Variants in SLC27A6 observed in about 807,000 individuals in gnomAD.
The protein encoded by SLC27A6 is long-chain fatty acid transport protein 6.
SLC27A6 carries 74 observed loss-of-function variants against 63.9 expected under a neutral mutation model. The observed-to-expected ratio is 1.16, with a 90% CI of 0.96 to 1.40. SLC27A6 has a LOEUF of 1.40. Ranked by LOEUF, SLC27A6 falls within the 40% of genes most tolerant of loss-of-function variation. SLC27A6 has a pLI of 0.00. For missense variants in SLC27A6, 794 were observed against 732.9 expected (o/e 1.08, Z -0.96); for synonymous variants, 287 against 260.8 (o/e 1.10, Z -0.97).
intron 4 of SLC27A6, among the ~76,000 whole-genome samples, chr5:129,001,291 T>C (rs1035771646): frequency 1.3e-5 from 2 of 152,210 alleles, no homozygotes; most frequent in Admixed American, 6.5e-5. Flanking sequence ...TGCCCCAGTT[T>C]ATGCCTATTT....
chr5:129,000,493 C>T (rs1394451085), intron 4 of SLC27A6, among the ~76,000 whole-genome samples: 1 of 152,180 alleles, frequency 6.6e-6, no homozygotes, highest in Non-Finnish European at 1.5e-5. Context: ...AGTCTCAGAC[C>T]TGCAAGGAAA....
chr5:129,022,022 C>T (rs1752090540), intron 5 of SLC27A6, among the ~76,000 whole-genome samples: 1 of 152,138 alleles, frequency 6.6e-6, no homozygotes, highest in Non-Finnish European at 1.5e-5. Flanking sequence ...AAGTAATGAA[C>T]AGGGCTCTGT....
rs1238629196 is a variant in SLC27A6, at chr5:129,027,265, G to A, written c.1388G>A (p.Gly463Glu). Reference protein sequence around the residue: ...FKKGDVYLNTGDLIVQDQDNF... With the variant: ...FKKGDVYLNTEDLIVQDQDNF... ...AAGGGAGATGTTTACCTTAATACTG[G>A]AGACTTAATAGTCCAGGATCAGGAC... The change falls in exon 7 of 10, where the codon GGA becomes GAA. Residue 463 changes from glycine to glutamate, a missense_variant. Transcript: ENST00000262462. The A allele has an allele frequency of 5.0e-6, 8 of 1,613,050 alleles. No homozygotes were observed. The South Asian group carries it at 7.7e-5, about 15-fold the overall frequency.
intron 1 of SLC27A6, among the ~76,000 whole-genome samples, chr5:128,984,592 A>T (rs1049043257): frequency 6.6e-6 from 1 of 152,014 alleles, no homozygotes; most frequent in East Asian, 1.9e-4. Flanking sequence ...CTCAGTCTTC[A>T]CCTCTCTCTC....
At position 129,024,472 on chromosome 5, in the gene SLC27A6, T is replaced by G. The variant is rs145136603; in HGVS notation, c.1255+762T>G. Reference sequence around the variant, plus strand: ...TTCATATGTAAAGTAGAAGTGACAATGTTTATTAAGTGAGGTTATTGTGGA... The same window carrying G: ...TTCATATGTAAAGTAGAAGTGACAAGGTTTATTAAGTGAGGTTATTGTGGA... On this transcript the variant is annotated intron_variant, in intron 6 of 9. Coordinates refer to ENST00000262462, the MANE Select transcript of SLC27A6 (RefSeq NM_001017372.3). Among the ~76,000 whole-genome samples, 464 of 152,240 alleles carry G rather than the reference T, an allele frequency of 3.0e-3. 3 individuals are homozygous for G. Among genetic ancestry groups the G allele is most frequent in the Middle Eastern group, 0.014 (4 of 294 alleles).
At position 128,985,456 on chromosome 5, in the gene SLC27A6, A is replaced by G. The variant is rs1000830294; in HGVS notation, c.685+120A>G. The G allele has an allele frequency of 9.4e-6, 7 of 745,948 alleles. No individual in the cohort carries two copies. In the African/African-American group the frequency reaches 1.2e-4, roughly 13 times the overall value. The allele number at this position is 745,948 out of a possible 1,614,324, so 46.2% of individuals were successfully genotyped here. A position where few individuals can be genotyped will look rare whatever the true frequency, so the allele number is the denominator to read the frequency against. On this transcript the variant is annotated intron_variant, in intron 2 of 9. Coordinates refer to ENST00000262462, the MANE Select transcript of SLC27A6 (RefSeq NM_001017372.3). ...TCTGAGAATGCATGCTTGCAAGAAG[A>G]TGTAAGGATCTCAGAGGCTAGAACT... is the stretch of plus-strand genomic sequence containing the variant.
At position 129,015,268 on chromosome 5, in the gene SLC27A6, A is replaced by G. The variant is rs552224741; in HGVS notation, c.970-617A>G. Among the ~76,000 whole-genome samples, 7 of 152,338 alleles carry G rather than the reference A, an allele frequency of 4.6e-5. No individual in the cohort carries two copies. In the East Asian group the frequency reaches 9.6e-4, roughly 21 times the overall value. On this transcript the variant is annotated intron_variant, in intron 4 of 9. Transcript: ENST00000262462. Reference sequence around the variant, plus strand: ...TATCTTCCTTTAATTCTAAAATATGAATGAAAAGTAAAACTGTGAGAATAT... The same window carrying G: ...TATCTTCCTTTAATTCTAAAATATGGATGAAAAGTAAAACTGTGAGAATAT...
chr5:128,998,579 A>G (rs1230749504), intron 4 of SLC27A6, among the ~76,000 whole-genome samples: 6 of 152,132 alleles, frequency 3.9e-5, no homozygotes, highest in Non-Finnish European at 7.4e-5. Flanking sequence ...AAAAAACCAG[A>G]AACCCTAAAA....
At chr5:128,978,657 A>G (rs1159519155) in intron 1 of SLC27A6, among the ~76,000 whole-genome samples, 5 of 152,204 alleles carry the variant, frequency 3.3e-5, no homozygotes, top group Admixed American at 6.5e-5. Flanking sequence ...TATGAAAAAT[A>G]GAGTTTTTCT....
chr5:128,971,257 G>A (rs36137532), intron 1 of SLC27A6, among the ~76,000 whole-genome samples: 1 of 151,928 alleles, frequency 6.6e-6, no homozygotes, highest in African/African-American at 2.4e-5. Flanking sequence ...GGAGAGTTCT[G>A]TAGATGTCTG....
rs567086373 is a variant in SLC27A6, at chr5:128,974,093, G to A, written c.481+7475G>A. Among the ~76,000 whole-genome samples, 477 of 152,242 alleles carry A rather than the reference G, an allele frequency of 3.1e-3. 3 individuals carry two copies. The highest frequency in any genetic ancestry group is 0.011 in the African/African-American group (454 of 41,534). ...GAAAAAATGGAGACATTCCAAAGCC[G>A]GTTTCCTGAGAGATTCGTCTTAAAG... On this transcript the variant is annotated intron_variant, in intron 1 of 9. Transcript: ENST00000262462.
chr5:128,996,011 T>G (rs1751147277), intron 4 of SLC27A6, among the ~76,000 whole-genome samples: 1 of 146,152 alleles, frequency 6.8e-6, no homozygotes, highest in Non-Finnish European at 1.5e-5. Flanking sequence ...AAACTGAGAT[T>G]CGAGGAATTA....
chr5:129,006,391 C>G (rs2150144976), intron 4 of SLC27A6, among the ~76,000 whole-genome samples: 1 of 151,624 alleles, frequency 6.6e-6, no homozygotes, highest in East Asian at 1.9e-4. Context: ...CGCCCAGCCA[C>G]TCGTTTTTTA....
chr5:129,000,654 C>T, intron 4 of SLC27A6, among the ~76,000 whole-genome samples: 1 of 152,282 alleles, frequency 6.6e-6, no homozygotes, highest in East Asian at 1.9e-4. Context: ...TGGGACCCTG[C>T]ACTTTTTGGA....
At chr5:129,025,739 G>GATGATGCTA (rs1232400929) in intron 6 of SLC27A6, among the ~76,000 whole-genome samples, 1 of 152,098 alleles carries the variant, frequency 6.6e-6, no homozygotes, top group African/African-American at 2.4e-5. Context: ...TGATGATGAT[G>GATGATGCTA]ATGATGCTAT....
intron 9 of SLC27A6, among the ~76,000 whole-genome samples, 175 bp from the exon 10 acceptor site, chr5:129,032,931 A>G (rs1426769354): frequency 6.6e-6 from 1 of 152,008 alleles, no homozygotes; most frequent in Admixed American, 6.6e-5. Flanking sequence ...AAATCAAACT[A>G]AAGATTTTAA....
rs537778756 is a variant in SLC27A6, at chr5:129,006,218, A to G, written c.970-9667A>G. On this transcript the variant is annotated intron_variant, in intron 4 of 9. Coordinates refer to ENST00000262462, the MANE Select transcript of SLC27A6 (RefSeq NM_001017372.3). ...CTCAGCCTCCCGAGTAGCTGGCACTACAGGCGCCAGCCGCCGCGCCAGCTG... is the reference window on the plus strand; with the variant it reads ...CTCAGCCTCCCGAGTAGCTGGCACTGCAGGCGCCAGCCGCCGCGCCAGCTG... Among the ~76,000 whole-genome samples, 14 of 151,392 alleles carry G rather than the reference A, an allele frequency of 9.2e-5. No homozygotes were observed. In the South Asian group the frequency reaches 2.9e-3, roughly 32 times the overall value.
rs542258479 is a variant in SLC27A6 at position 128,968,274 on chromosome 5, C to G, written c.481+1656C>G. 1.5e-3 allele frequency among the ~76,000 whole-genome samples: 232 copies of G among 152,236 alleles called. 1 individual carries two copies. Among genetic ancestry groups the G allele is most frequent in the African/African-American group, 5.3e-3 (220 of 41,528 alleles). On this transcript the variant is annotated intron_variant, in intron 1 of 9. Transcript: ENST00000262462. ...TGATTTAGAATCCTTTGGGTATATA[C>G]CCGGTAATGGGATGGCTGGGTCAAA...
At chr5:129,022,882 C>T (rs2150153400) in intron 5 of SLC27A6, among the ~76,000 whole-genome samples, 1 of 152,114 alleles carries the variant, frequency 6.6e-6, no homozygotes, top group South Asian at 2.1e-4. Flanking sequence ...CAGTTCTCTT[C>T]CAGGGTGAGA....
Sources: gnomAD v4.1 joint callset for allele counts (sites outside exome capture counted in the v4.1 genomes callset) on GRCh38, gnomAD v4.1.1 for gene constraint, MANE v1.5 for transcripts, NCBI Gene and HGNC (gene_info 2026-07-23, HGNC 2026-07-21) for gene names.